The following RPS12 variants were observed in gnomAD, a reference collection of about 807,000 sequenced individuals.
RPS12 encodes ribosomal protein S12.
RPS12 carries 1 observed loss-of-function variant against 17.2 expected under a neutral mutation model. That is an observed-to-expected ratio of 0.06 (90% confidence interval 0.02 to 0.28). The LOEUF (loss-of-function observed/expected upper bound fraction) is 0.28. RPS12 is among the 10% of genes least tolerant of loss of function. RPS12 has a pLI of 1.00. For missense variants in RPS12, 146 were observed against 162.1 expected, an observed-to-expected ratio of 0.90 and a Z score of 0.54; for synonymous variants, 67 against 54.0, an observed-to-expected ratio of 1.24 and a Z score of -1.06.
At chr6:132,815,135 A>T in intron 3 of RPS12, 47 bp downstream of exon 3, 5 of 1,198,228 alleles carry the variant, frequency 4.2e-6, no homozygotes, top group Non-Finnish European at 6.2e-6. Context: ...ACCGGAACAA[A>T]ACTGCCACCC....
intron 3 of RPS12, chr6:132,815,419 CAG>C (rs775595786): frequency 1.9e-6 from 1 of 528,980 alleles, no homozygotes; most frequent in South Asian, 1.5e-5. Context: ...ACTTATCTGG[CAG>C]ATAGATGAGA....
intron 3 of RPS12, chr6:132,815,493 C>T (rs928005043): frequency 9.5e-5 from 39 of 410,890 alleles, no homozygotes; most frequent in South Asian, 6.2e-4. Flanking sequence ...GAATTTCAAA[C>T]TCAGGTTTCA....
intron 5 of RPS12, 139 bp downstream of exon 5, chr6:132,817,200 AAT>A (rs1280417669): frequency 1.4e-5 from 11 of 781,970 alleles, no homozygotes; most frequent in Non-Finnish European, 2.3e-5. Context: ...TCAGGAAAAA[AAT>A]AAAAGCTGTA....
intron 2 of RPS12, 66 bp downstream of exon 2, chr6:132,814,848 CG>C: frequency 2.7e-6 from 4 of 1,496,550 alleles, no homozygotes; most frequent in Non-Finnish European, 3.7e-6. Flanking sequence ...CTAGAGCTGG[CG>C]GAACAGGACT....
chr6:132,817,398 C>T (rs774467045), intron 5 of RPS12, 82 bp from the exon 6 acceptor site: 1 of 910,698 alleles, frequency 1.1e-6, no homozygotes, highest in Non-Finnish European at 1.8e-6. Flanking sequence ...ATTGTTGAAG[C>T]TCCACTATAA....
At chr6:132,814,696 C>T (rs1368677068) in intron 1 of RPS12, 36 bp from the exon 2 acceptor site, 20 of 1,548,942 alleles carry the variant, frequency 1.3e-5, no homozygotes, top group African/African-American at 2.7e-5. Context: ...TGACGAGTAT[C>T]TGGTTCTTTA....
At chr6:132,814,870 G>C in intron 2 of RPS12, 88 bp downstream of exon 2, 1 of 1,453,668 alleles carries the variant, frequency 6.9e-7, no homozygotes, top group Non-Finnish European at 9.7e-7. Flanking sequence ...GGGTCAAACG[G>C]GTCGCCGTAA....
intron 2 of RPS12, 46 bp downstream of exon 2, chr6:132,814,828 A>G: frequency 1.3e-6 from 2 of 1,560,200 alleles, no homozygotes; most frequent in Admixed American, 1.7e-5. Flanking sequence ...GGTGCGGCTG[A>G]GGCGTGGGGC....
At chr6:132,816,039 T>G (rs79286879) in intron 3 of RPS12, 1 of 406,616 alleles carries the variant, frequency 2.5e-6, no homozygotes, top group Non-Finnish European at 4.9e-6. Context: ...GCCATGTTGG[T>G]CTCTGGCTGG....
At chr6:132,815,443 A>G (rs147880639) in intron 3 of RPS12, 4 of 497,628 alleles carry the variant, frequency 8.0e-6, no homozygotes, top group Admixed American at 2.2e-5. Context: ...GGAGAGCCAC[A>G]TTACATCTGG....
At chr6:132,815,570 GT>G in intron 3 of RPS12, 1 of 445,168 alleles carries the variant, frequency 2.2e-6, no homozygotes, top group Non-Finnish European at 4.5e-6. Flanking sequence ...TGGGATATTT[GT>G]TAATGTATTT....
chr6:132,816,226 A>G (rs1562280896), intron 3 of RPS12, among the ~76,000 whole-genome samples: 2 of 152,140 alleles, frequency 1.3e-5, no homozygotes, highest in Admixed American at 6.5e-5. Context: ...ACTTACACCA[A>G]TTCAGTGTGT....
In RPS12 at chr6:132,816,958, A is replaced by T; in HGVS notation, c.235-2A>T. 1 of 1,576,214 alleles carries T rather than the reference A, an allele frequency of 6.3e-7. No homozygotes were observed. Among genetic ancestry groups the T allele is most frequent in the Non-Finnish European group, 8.7e-7 (1 of 1,146,064 alleles). On this transcript the variant is annotated splice_acceptor_variant, in intron 4 of 5. Transcript: ENST00000230050. LOFTEE classifies it high-confidence loss of function. ...TTTTTTTTTTAACCTTTCTCCCAAT[A>T]GGTTGATGACAACAAGAAACTAGGA...
At chr6:132,814,682 T>C in intron 1 of RPS12, 50 bp from the exon 2 acceptor site, 2 of 1,460,672 alleles carry the variant, frequency 1.4e-6, no homozygotes, top group East Asian at 4.5e-5. Flanking sequence ...CTTGCTGGGA[T>C]TCGTGACGAG....
intron 3 of RPS12, chr6:132,816,007 C>T (rs79055933): frequency 4.9e-5 from 21 of 427,274 alleles, no homozygotes; most frequent in Admixed American, 4.0e-4. Context: ...AGTTTTTGTA[C>T]TTTCAGTAGA....
chr6:132,814,616 A>C lies in RPS12; in HGVS notation c.-38+3A>C. The stretch of plus-strand genomic sequence containing the variant: ...TCGCGCGGAGGCGGAGGCTTGGGGT[A>C]AGTTGAGCGAGGCGGCAGGGGGGTG... On this transcript the variant is annotated splice_donor_region_variant and intron_variant, in intron 1 of 5. Transcript: ENST00000230050. 1 of 925,116 alleles carries C rather than the reference A, an allele frequency of 1.1e-6. No individual in the cohort carries two copies. The highest frequency in any genetic ancestry group is 1.8e-6 in the Non-Finnish European group (1 of 569,602). 57.3% of individuals were successfully genotyped at this position (925,116 alleles called of 1,614,324 possible).
At chr6:132,815,591 G>A (rs572651105) in intron 3 of RPS12, 19 of 455,006 alleles carry the variant, frequency 4.2e-5, no homozygotes, top group South Asian at 2.6e-4. Context: ...TGAATGGATC[G>A]AGTTAATGTG....
chr6:132,817,060 A>C lies in RPS12; in HGVS notation c.335A>C (p.Lys112Thr), dbSNP rs1286451091. The change falls in exon 5 of 6, where the codon AAG (lysine) becomes ACG (threonine). Residue 112 changes from lysine (K) to threonine (T), a missense_variant and splice_region_variant. By Grantham distance (78) the Lys-to-Thr change is moderately conservative. Coordinates refer to ENST00000230050, the MANE Select transcript of RPS12 (RefSeq NM_001016.4). ...KVVGCSCVVV[K>T]DYGKESQAKD... ...GTTGGTTGCAGTTGTGTAGTAGTTAAGGTAAGTCACCGTTTATTCTAGGGA... is the reference window on the plus strand; with the variant it reads ...GTTGGTTGCAGTTGTGTAGTAGTTACGGTAAGTCACCGTTTATTCTAGGGA... 6.3e-7 allele frequency: 1 copy of C among 1,578,732 alleles called. No homozygotes were observed. Among genetic ancestry groups the C allele is most frequent in the Non-Finnish European group, 8.7e-7 (1 of 1,149,604 alleles).
chr6:132,814,986 G>T lies in RPS12; in HGVS notation c.29G>T (p.Gly10Val), dbSNP rs2114709339. The change falls in exon 3 of 6, where the codon GGT becomes GTT. Residue 10 changes from glycine to valine, a missense_variant. Around this residue, in one of 2 missense-constraint regions of RPS12, gnomAD observed 117 missense variants for 104.6 expected, o/e 1.12. Transcript: ENST00000230050. ...TCGCGTTTAAGCATTGCTGCTGGAG[G>T]TGTAATGGACGTTAATACTGCTTTA... MAEEGIAAG[G>V]VMDVNTALQE... 3 of 1,608,746 alleles carry T rather than the reference G, an allele frequency of 1.9e-6. No individual in the cohort carries two copies. Among genetic ancestry groups the T allele is most frequent in the Non-Finnish European group, 2.6e-6 (3 of 1,175,082 alleles).
Sources: gnomAD v4.1 joint callset for allele counts (sites outside exome capture counted in the v4.1 genomes callset) on GRCh38, gnomAD v4.1.1 for gene constraint, gnomAD v4.1.1 regional missense constraint, MANE v1.5 for transcripts, NCBI Gene and HGNC (gene_info 2026-07-23, HGNC 2026-07-21) for gene names.